The following CHRM3 variants were observed in gnomAD, a reference collection of about 807,000 sequenced individuals.
CHRM3 encodes the protein cholinergic receptor muscarinic 3, also known as muscarinic acetylcholine receptor M3.
CHRM3 carries 11 observed loss-of-function variants against 41.8 expected under a neutral mutation model. The ratio of observed to expected loss-of-function variants is 0.26; its 90% CI spans 0.17 to 0.44. CHRM3 has a LOEUF of 0.44. Ranked by LOEUF, CHRM3 falls within the 20% of genes least tolerant of loss-of-function variation. The pLI, the probability that CHRM3 is intolerant of heterozygous loss-of-function variation, is 1.00. For synonymous variants in CHRM3, 297 were observed against 301.4 expected (o/e 0.99, Z 0.15); for missense variants, 571 against 745.4 (o/e 0.77, Z 2.72).
intron 6 of CHRM3, among the ~76,000 whole-genome samples, chr1:239,890,266 G>C (rs1678438763): frequency 6.6e-6 from 1 of 151,938 alleles, no homozygotes. Context: ...AGGTGAGGTT[G>C]CGGAGAGGAG....
chr1:239,398,996 A>T (rs534693843), intron 1 of CHRM3, among the ~76,000 whole-genome samples: 10 of 152,310 alleles, frequency 6.6e-5, no homozygotes, highest in African/African-American at 2.2e-4. Flanking sequence ...AAAGCAGATT[A>T]AAAAAGAAAA....
At chr1:239,639,417 C>G (rs372084768) in intron 4 of CHRM3, among the ~76,000 whole-genome samples, 269 of 148,042 alleles carry the variant, frequency 1.8e-3, no homozygotes, top group African/African-American at 6.8e-3. Context: ...TCTTCCATTT[C>G]TTTGTATCCT....
At chr1:239,541,572 C>T (rs113756689) in intron 2 of CHRM3, among the ~76,000 whole-genome samples, 4,544 of 152,076 alleles carry the variant, frequency 0.03, 90 homozygotes, top group Admixed American at 0.049. Context: ...AGTGCAGTGG[C>T]GTGATTACCT....
intron 1 of CHRM3, among the ~76,000 whole-genome samples, chr1:239,424,691 GA>G (rs1189947403): frequency 6.6e-6 from 1 of 152,198 alleles, no homozygotes; most frequent in African/African-American, 2.4e-5. Context: ...GAAATTAGTG[GA>G]GAGCATTTCT....
intron 5 of CHRM3, among the ~76,000 whole-genome samples, chr1:239,787,294 C>A (rs1668978563): frequency 6.6e-6 from 1 of 152,128 alleles, no homozygotes; most frequent in African/African-American, 2.4e-5. Context: ...ATGAAAGAAA[C>A]AGTTTCTCCT....
chr1:239,726,855 C>A, intron 5 of CHRM3, among the ~76,000 whole-genome samples: 1 of 151,818 alleles, frequency 6.6e-6, no homozygotes, highest in East Asian at 1.9e-4. Flanking sequence ...TCTAGCAGTA[C>A]CTGATAGCAG....
chr1:239,575,232 T>C (rs1465611104), intron 3 of CHRM3, among the ~76,000 whole-genome samples: 2 of 152,134 alleles, frequency 1.3e-5, no homozygotes, highest in Non-Finnish European at 2.9e-5. Flanking sequence ...CCTCTACGTA[T>C]TAGCACCTTC....
intron 5 of CHRM3, among the ~76,000 whole-genome samples, chr1:239,793,988 A>G (rs766258556): frequency 4.6e-5 from 7 of 151,566 alleles, no homozygotes; most frequent in South Asian, 2.1e-4. Context: ...TAATGTTTGC[A>G]TATTTTGTAT....
chr1:239,565,802 G>A (rs1434268043), intron 3 of CHRM3, among the ~76,000 whole-genome samples: 1 of 151,352 alleles, frequency 6.6e-6, no homozygotes. Context: ...CTCTGATCTG[G>A]TCTTGTTTTA....
At chr1:239,649,753 G>A (rs1250432633) in intron 4 of CHRM3, among the ~76,000 whole-genome samples, 1 of 152,108 alleles carries the variant, frequency 6.6e-6, no homozygotes, top group East Asian at 1.9e-4. Flanking sequence ...TAGTGGGGTG[G>A]GTTTTCCCTG....
chr1:239,547,501 T>C (rs1453195473), intron 3 of CHRM3, among the ~76,000 whole-genome samples: 1 of 152,172 alleles, frequency 6.6e-6, no homozygotes, highest in Non-Finnish European at 1.5e-5. Flanking sequence ...CAGAAAGCCC[T>C]GGGTTCAAAG....
In CHRM3 at chr1:239,748,015, A is replaced by G. The variant is rs567885492; in HGVS notation, c.-147+69727A>G. The stretch of plus-strand genomic sequence containing the variant: ...TCGTGCCACGACTCCAGCCTGGACG[A>G]CAGGTGAGACTCTGTCTCAAAAAAT... On this transcript the variant is annotated intron_variant, in intron 5 of 6. Transcript: ENST00000676153. This position sits in a 1 kb window ranked among gnomAD's most constrained non-coding sequence, Gnocchi z 4.3. 2.0e-5 allele frequency among the ~76,000 whole-genome samples: 3 copies of G among 152,320 alleles called. No homozygotes were observed. The South Asian group carries it at 6.2e-4, about 32-fold the overall frequency.
chr1:239,783,249 A>C (rs569200044), intron 5 of CHRM3, among the ~76,000 whole-genome samples: 6 of 151,780 alleles, frequency 4.0e-5, no homozygotes, highest in African/African-American at 1.4e-4. Flanking sequence ...AGGATAAAAA[A>C]TATAATTTAA....
intron 1 of CHRM3, among the ~76,000 whole-genome samples, chr1:239,404,421 A>AGAAAGAAAGAGAAAGAAAGAAAGAAG (rs1558195874): frequency 1.1e-5 from 1 of 94,638 alleles, no homozygotes; most frequent in African/African-American, 4.5e-5. Context: ...AAAGAAAGAA[A>AGAAAGAAAGAGAAAGAAAGAAAGAAG]GAAAGAAAGA....
intron 5 of CHRM3, among the ~76,000 whole-genome samples, chr1:239,756,401 T>C (rs989585854): frequency 2.6e-5 from 4 of 152,186 alleles, no homozygotes; most frequent in African/African-American, 9.7e-5. Context: ...GCATAACAGA[T>C]CATTATCTCT....
At chr1:239,820,300 C>T (rs183743517) in intron 5 of CHRM3, among the ~76,000 whole-genome samples, 68 of 152,126 alleles carry the variant, frequency 4.5e-4, no homozygotes, top group Non-Finnish European at 4.1e-4. Flanking sequence ...TGATTCTAGG[C>T]GGTTAGTAAA....
chr1:239,492,570 T>C (rs1233191955), intron 1 of CHRM3, 139 bp from the exon 2 acceptor site: 1 of 152,226 alleles, frequency 6.6e-6, no homozygotes, highest in Non-Finnish European at 1.5e-5. Context: ...GAGACACTTT[T>C]ATCCCAACAT....
At chr1:239,478,667 G>T (rs879790722) in intron 1 of CHRM3, among the ~76,000 whole-genome samples, 6 of 152,172 alleles carry the variant, frequency 3.9e-5, no homozygotes, top group African/African-American at 1.4e-4. Flanking sequence ...ATGGATGGAT[G>T]AATGAGAAGA....
intron 6 of CHRM3, among the ~76,000 whole-genome samples, chr1:239,883,500 G>A (rs565733): frequency 0.97 from 147,124 of 152,286 alleles, 71,311 homozygotes; most frequent in Middle Eastern, 1. Context: ...AGCAAACACT[G>A]CTTGCTCTCT....
Sources: allele counts gnomAD v4.1 joint callset (sites outside exome capture counted in the v4.1 genomes callset), GRCh38; gene constraint gnomAD v4.1.1; non-coding constraint Gnocchi (gnomAD v3.1); transcripts MANE v1.5; gene names NCBI Gene and HGNC (gene_info 2026-07-23, HGNC 2026-07-21).